Variants in MAP4K2 observed in about 807,000 individuals in gnomAD.
The protein encoded by MAP4K2 is B lymphocyte serine/threonine protein kinase.
Under a neutral mutation model 125.3 loss-of-function variants are expected in MAP4K2, and 85 were observed. The ratio of observed to expected loss-of-function variants is 0.68; its 90% CI spans 0.57 to 0.81. The LOEUF (loss-of-function observed/expected upper bound fraction) is 0.81. Among genes scored for constraint, MAP4K2 ranks in the 40% least tolerant of loss-of-function variants. The pLI, the probability that MAP4K2 is intolerant of heterozygous loss-of-function variation, is 0.00. For missense variants in MAP4K2, 923 were observed against 1,056.4 expected, an observed-to-expected ratio of 0.87 and a Z score of 1.75; for synonymous variants, 479 against 445.1, an observed-to-expected ratio of 1.08 and a Z score of -0.96.
chr11:64,797,768 C>A, intron 15 of MAP4K2, 104 bp from the exon 16 acceptor site: 1 of 1,136,460 alleles, frequency 8.8e-7, no homozygotes, highest in East Asian at 2.8e-5. Flanking sequence ...TGCAGTGGCG[C>A]AATCGCGGCT....
At chr11:64,800,714 C>T (rs1188223641) in intron 10 of MAP4K2, 50 bp downstream of exon 10, 1 of 1,560,774 alleles carries the variant, frequency 6.4e-7, no homozygotes, top group East Asian at 2.4e-5. Flanking sequence ...TGTTTGTCCA[C>T]TATGGGGCTG....
Position 64,797,606 on chromosome 11 carries a change from C to A in MAP4K2, c.1136+20G>T. 6.3e-7 allele frequency: 1 copy of A among 1,578,618 alleles called. No homozygotes were observed. Among genetic ancestry groups the A allele is most frequent in the Non-Finnish European group, 8.6e-7 (1 of 1,161,256 alleles). On this transcript the variant is annotated intron_variant, in intron 16 of 31. Transcript: ENST00000294066. ...AAGGCCACCTGCCCCTTGCCCCTCC[C>A]CCAGGCCCACATCCCTCACCTTTCC...
At position 64,790,294 on chromosome 11, in the gene MAP4K2, GT is replaced by G. The variant is rs758029001; in HGVS notation, c.2162-21del. On this transcript the variant is annotated intron_variant, in intron 28 of 31. Transcript: ENST00000294066. ...CACAGCCTGCACAGGGAAGGAATTG[GT>G]GAGTGGGGACGGGGAGGCTCCCTTC... 5 of 1,613,872 alleles carry G rather than the reference GT, an allele frequency of 3.1e-6. No homozygotes were observed. The African/African-American group carries it at 6.7e-5, about 22-fold the overall frequency.
chr11:64,789,866 C>T, intron 30 of MAP4K2, 23 bp downstream of exon 30: 2 of 1,613,928 alleles, frequency 1.2e-6, no homozygotes, highest in Non-Finnish European at 1.7e-6. Context: ...CAGGGGACAG[C>T]AAGGTCCCTG....
At chr11:64,794,288 T>C (rs1173391250) in intron 24 of MAP4K2, among the ~76,000 whole-genome samples, 1 of 152,250 alleles carries the variant, frequency 6.6e-6, no homozygotes, top group Non-Finnish European at 1.5e-5. Context: ...TTGACTCCTC[T>C]TTCTCTTTCA....
intron 15 of MAP4K2, among the ~76,000 whole-genome samples, chr11:64,798,258 C>T (rs1378373042): frequency 1.3e-5 from 2 of 152,074 alleles, no homozygotes; most frequent in Non-Finnish European, 2.9e-5. Context: ...CTCCGCCTCC[C>T]GGGTTCAAGC....
intron 8 of MAP4K2, 21 bp downstream of exon 8, chr11:64,801,090 C>T: frequency 6.2e-7 from 1 of 1,613,646 alleles, no homozygotes; most frequent in Non-Finnish European, 8.5e-7. Context: ...CCCTACCCCT[C>T]CGCCCCAGGC....
At chr11:64,796,931 G>A in intron 20 of MAP4K2, 38 bp from the exon 21 acceptor site, 9 of 1,613,950 alleles carry the variant, frequency 5.6e-6, no homozygotes, top group Non-Finnish European at 7.6e-6. Context: ...GGAGTGCAGG[G>A]GTGGTGGGTG....
chr11:64,793,289 C>T (rs1940610529), intron 24 of MAP4K2, among the ~76,000 whole-genome samples: 1 of 152,128 alleles, frequency 6.6e-6, no homozygotes, highest in Non-Finnish European at 1.5e-5. Context: ...CAGGCTCCAG[C>T]CCCACCAGGT....
intron 27 of MAP4K2, 84 bp from the exon 28 acceptor site, chr11:64,790,546 G>C: frequency 1.5e-6 from 2 of 1,344,566 alleles, no homozygotes; most frequent in Non-Finnish European, 2.1e-6. Context: ...GCTACAGACA[G>C]CCCTTGGCCA....
chr11:64,790,431 G>A lies in MAP4K2; in HGVS notation c.2124C>T (p.Ile708=), dbSNP rs756800455. The A allele has an allele frequency of 1.2e-6, 2 of 1,614,086 alleles. No homozygotes were observed. Among genetic ancestry groups the A allele is most frequent in the South Asian group, 2.2e-5 (2 of 91,078 alleles). The change falls in exon 28 of 32, where the codon ATC becomes ATT. Residue 708 remains isoleucine, a synonymous_variant. Transcript: ENST00000294066. Reference sequence around the variant, plus strand: ...CTAGGATTGTGTCCCTGTCCACCTGGATCACCTGCTGGGCCGAGCCTGGGA... The same window carrying A: ...CTAGGATTGTGTCCCTGTCCACCTGAATCACCTGCTGGGCCGAGCCTGGGA... ...EGIPGSAQQV[I]QVDRDTILVS... is the part of the protein sequence containing the mutation.
Position 64,800,889 on chromosome 11 carries a change from G to T in MAP4K2, c.662+11C>A, listed in dbSNP as rs1480189678. 1 of 1,614,038 alleles carries T rather than the reference G, an allele frequency of 6.2e-7. No individual in the cohort carries two copies. Among genetic ancestry groups the T allele is most frequent in the African/African-American group, 1.3e-5 (1 of 75,072 alleles). On this transcript the variant is annotated intron_variant, in intron 9 of 31. Transcript: ENST00000294066. ...ATCAAGGGTCAGGTGAGGGGCAAGT[G>T]TTGGGCTGACCTCATGGGGTGCAGG... is the stretch of plus-strand genomic sequence containing the variant.
intron 27 of MAP4K2, 76 bp downstream of exon 27, chr11:64,791,833 T>A (rs1283958329): frequency 7.0e-7 from 1 of 1,422,544 alleles, no homozygotes; most frequent in Non-Finnish European, 9.3e-7. Flanking sequence ...TTTGGGAGCC[T>A]TGGCCCTCCC....
At chr11:64,795,742 C>T (rs1467991363) in intron 24 of MAP4K2, among the ~76,000 whole-genome samples, 7 of 152,120 alleles carry the variant, frequency 4.6e-5, no homozygotes, top group Non-Finnish European at 8.8e-5. Context: ...CCTGTGTTTT[C>T]AGGCTGATTT....
intron 24 of MAP4K2, among the ~76,000 whole-genome samples, chr11:64,793,520 G>T (rs1038885070): frequency 2.0e-5 from 3 of 152,148 alleles, no homozygotes; most frequent in Admixed American, 2.0e-4. Flanking sequence ...CCCTCCAGGG[G>T]ACCCTCTCAG....
chr11:64,790,413 T>C lies in MAP4K2; in HGVS notation c.2142A>G (p.Thr714=). The change falls in exon 28 of 32, where the codon ACA becomes ACG. Residue 714 remains threonine, a synonymous_variant. Coordinates refer to ENST00000294066, the MANE Select transcript of MAP4K2 (RefSeq NM_004579.5). The part of the protein sequence containing the change: ...AQQVIQVDRD[T]ILVSFERCVR... ...ACTCACGTTCAAAGCTGACTAGGATTGTGTCCCTGTCCACCTGGATCACCT... is the reference window on the plus strand; with the variant it reads ...ACTCACGTTCAAAGCTGACTAGGATCGTGTCCCTGTCCACCTGGATCACCT... The C allele has an allele frequency of 6.2e-7, 1 of 1,614,122 alleles. No individual in the cohort carries two copies. The highest frequency in any genetic ancestry group is 1.1e-5 in the South Asian group (1 of 91,078).
chr11:64,802,303 G>A lies in MAP4K2; in HGVS notation c.310+116C>T, dbSNP rs1202196114. 1.7e-5 allele frequency: 20 copies of A among 1,197,426 alleles called. No individual in the cohort carries two copies. The Middle Eastern group carries it at 5.7e-4, about 34-fold the overall frequency. The allele number at this position is 1,197,426 out of a possible 1,614,324, so 74.2% of individuals were successfully genotyped here. ...ACAGTATTTCTCTCAAGGTCACACA[G>A]CCAGGCAGGAGTGGAGAGGAGCCCA... On this transcript the variant is annotated intron_variant, in intron 4 of 31. Transcript: ENST00000294066.
Position 64,797,095 on chromosome 11 carries a change from C to A in MAP4K2, c.1365+9G>T, listed in dbSNP as rs528415149. 2 of 1,614,178 alleles carry A rather than the reference C, an allele frequency of 1.2e-6. No homozygotes were observed. Among genetic ancestry groups the A allele is most frequent in the East Asian group, 2.2e-5 (1 of 44,892 alleles). ...CCCGTCTCCCCACCCCACTGTAGCA[C>A]CCTCTTACCTCAGGATCCTCCCGCT... On this transcript the variant is annotated intron_variant, in intron 19 of 31. Coordinates refer to ENST00000294066, the MANE Select transcript of MAP4K2 (RefSeq NM_004579.5).
At chr11:64,794,875 A>T (rs932063757) in intron 24 of MAP4K2, among the ~76,000 whole-genome samples, 23 of 151,732 alleles carry the variant, frequency 1.5e-4, no homozygotes, top group Admixed American at 7.9e-4. Context: ...CCGGCTGCTA[A>T]CTGTCCACAT....
Sources: gnomAD v4.1 joint callset for allele counts (sites outside exome capture counted in the v4.1 genomes callset) on GRCh38, gnomAD v4.1.1 for gene constraint, MANE v1.5 for transcripts, NCBI Gene and HGNC (gene_info 2026-07-23, HGNC 2026-07-21) for gene names.